Variants in PCDHA3 observed in about 807,000 individuals in gnomAD.
PCDHA3 encodes protocadherin alpha-3.
Under a neutral mutation model 62.2 loss-of-function variants are expected in PCDHA3, and 41 were observed. The observed-to-expected ratio is 0.66, with a 90% CI of 0.51 to 0.86. PCDHA3 has a LOEUF of 0.86. PCDHA3 is among the 40% of genes least tolerant of loss of function. PCDHA3 has a pLI of 0.00. For synonymous variants in PCDHA3, 640 were observed against 555.4 expected (o/e 1.15, Z -2.14); for missense variants, 1,304 against 1,241.2 (o/e 1.05, Z -0.76).
intron 3 of PCDHA3, among the ~76,000 whole-genome samples, chr5:140,989,551 C>T (rs964653534): frequency 2.0e-5 from 3 of 152,178 alleles, no homozygotes; most frequent in African/African-American, 4.8e-5. Flanking sequence ...AATTCCTTTA[C>T]GTTTTGTGGC....
chr5:140,876,138 A>G (rs781923596), intron 1 of PCDHA3: 1 of 1,613,952 alleles, frequency 6.2e-7, no homozygotes. Context: ...AACCAGAACT[A>G]ACAGGGTCTG....
chr5:140,870,908 A>G, intron 1 of PCDHA3: 1 of 1,613,928 alleles, frequency 6.2e-7, no homozygotes, highest in Non-Finnish European at 8.5e-7. Flanking sequence ...GACTCAGGCT[A>G]CAACGCGTGG....
intron 1 of PCDHA3, chr5:140,928,845 T>C: frequency 6.2e-7 from 1 of 1,614,180 alleles, no homozygotes; most frequent in Non-Finnish European, 8.5e-7. Flanking sequence ...CCTCTGTCAC[T>C]CTGGGTGTGC....
intron 1 of PCDHA3, among the ~76,000 whole-genome samples, chr5:140,973,873 G>A (rs546928847): frequency 3.3e-5 from 5 of 152,292 alleles, no homozygotes; most frequent in African/African-American, 1.2e-4. Flanking sequence ...TGAGAGGTCA[G>A]AATAATGTCA....
intron 1 of PCDHA3, among the ~76,000 whole-genome samples, chr5:140,896,590 T>G (rs1338982892): frequency 6.6e-6 from 1 of 152,032 alleles, no homozygotes; most frequent in Non-Finnish European, 1.5e-5. Flanking sequence ...TTGGCCAGGC[T>G]GGTCTCGAAC....
At chr5:140,986,823 A>G (rs2097214089) in intron 3 of PCDHA3, among the ~76,000 whole-genome samples, 1 of 152,166 alleles carries the variant, frequency 6.6e-6, no homozygotes, top group Admixed American at 6.5e-5. Context: ...TTTGGTTTAG[A>G]CAATGGTTCT....
intron 1 of PCDHA3, chr5:140,928,158 A>T: frequency 1.2e-6 from 2 of 1,614,066 alleles, no homozygotes; most frequent in Non-Finnish European, 1.7e-6. Flanking sequence ...ATAGTGGCTC[A>T]CCCCCACTTA....
intron 1 of PCDHA3, among the ~76,000 whole-genome samples, chr5:140,820,965 T>A (rs1417845023): frequency 6.6e-6 from 1 of 152,098 alleles, no homozygotes; most frequent in Non-Finnish European, 1.5e-5. Context: ...TTTGAGTCAA[T>A]ACAAAAAGTA....
At chr5:140,920,638 G>T (rs1245142321) in intron 1 of PCDHA3, among the ~76,000 whole-genome samples, 2 of 152,114 alleles carry the variant, frequency 1.3e-5, no homozygotes, top group African/African-American at 4.8e-5. Flanking sequence ...AAGGTCAAGA[G>T]ATTGAGACCA....
In PCDHA3 at chr5:140,842,440, C is replaced by A. The variant is rs1777947165; in HGVS notation, c.2394+38849C>A. On this transcript the variant is annotated intron_variant, in intron 1 of 3. Coordinates refer to ENST00000522353, the MANE Select transcript of PCDHA3 (RefSeq NM_018906.3). ...TTGGTACTGTCATCGCCCTAATTAG[C>A]GTGAACGACCTCGATTCAGGTGCCA... The A allele has an allele frequency of 1.9e-6, 3 of 1,613,638 alleles. No homozygotes were observed. The South Asian group carries it at 3.3e-5, about 18-fold the overall frequency.
rs2098422568 is a variant in PCDHA3 at position 141,011,988 on chromosome 5, C to A, written c.*2051C>A. ...AAACTGTCTTGTCTACTTTTAGCTTCATTCTCCCATATTTTGAAGGGTGTG... is the reference window on the plus strand; with the variant it reads ...AAACTGTCTTGTCTACTTTTAGCTTAATTCTCCCATATTTTGAAGGGTGTG... On this transcript the variant is annotated 3_prime_UTR_variant, in exon 4 of 4. Coordinates refer to ENST00000522353, the MANE Select transcript of PCDHA3 (RefSeq NM_018906.3). 6.5e-6 allele frequency: 1 copy of A among 153,688 alleles called. No individual in the cohort carries two copies. The highest frequency in any genetic ancestry group is 2.4e-5 in the African/African-American group (1 of 41,434). 9.5% of individuals were successfully genotyped at this position (153,688 alleles called of 1,614,324 possible). A position where few individuals can be genotyped will look rare whatever the true frequency, so the allele number is the denominator to read the frequency against.
chr5:140,917,333 G>GT (rs1401985588), intron 1 of PCDHA3, among the ~76,000 whole-genome samples: 2 of 148,632 alleles, frequency 1.3e-5, no homozygotes, highest in Admixed American at 6.7e-5. Context: ...GCGGGGGAGG[G>GT]GGGGGATGGT....
rs2150224433 is a variant in PCDHA3 at position 140,834,693 on chromosome 5, A to G, written c.2394+31102A>G. 2.5e-6 allele frequency: 4 copies of G among 1,614,238 alleles called. No homozygotes were observed. In the Admixed American group the frequency reaches 6.7e-5, roughly 27 times the overall value. ...GTGCGGGCGGAGCGCGGAGTGCAGC[A>G]TCCACCTGGAGGTGATCGTGGAAAG... On this transcript the variant is annotated intron_variant, in intron 1 of 3. Coordinates refer to ENST00000522353, the MANE Select transcript of PCDHA3 (RefSeq NM_018906.3).
rs373307820 is a variant in PCDHA3 at position 140,857,638 on chromosome 5, A to G, written c.2394+54047A>G. The G allele has an allele frequency of 1.1e-4, 174 of 1,596,206 alleles. 22 individuals are homozygous for G. The highest frequency in any genetic ancestry group is 1.4e-4 in the Non-Finnish European group (161 of 1,167,602). ...TGGACCACGAGGAGCTGGAGCTGCT[A>G]CAGTTCCAGGTGAGCGCGCGCGATG... is the stretch of plus-strand genomic sequence containing the variant. On this transcript the variant is annotated intron_variant, in intron 1 of 3. Transcript: ENST00000522353.
Position 140,802,675 on chromosome 5 carries a change from C to T in PCDHA3, c.1478C>T (p.Ser493Leu), listed in dbSNP as rs373853046. 5.8e-5 allele frequency: 94 copies of T among 1,613,378 alleles called. No individual in the cohort carries two copies. Among genetic ancestry groups the T allele is most frequent in the African/African-American group, 5.1e-4 (38 of 75,058 alleles). The change falls in exon 1 of 4, where the codon TCG becomes TTG. Residue 493 changes from serine (S) to leucine (L), a missense_variant. Ser to Leu is a moderately radical substitution (Grantham distance 145). Transcript: ENST00000522353. Reference sequence around the variant, plus strand: ...CAGGAGAACGCCCTGGTGTCCTACTCGCTGGTGGAACGGCGGGTGGGGGAG... The same window carrying T: ...CAGGAGAACGCCCTGGTGTCCTACTTGCTGGTGGAACGGCGGGTGGGGGAG... ...DAQENALVSYSLVERRVGERA... is the reference protein window; with the variant it reads ...DAQENALVSYLLVERRVGERA...
intron 1 of PCDHA3, chr5:140,824,143 T>C (rs2150132574): frequency 3.1e-6 from 5 of 1,612,198 alleles, no homozygotes; most frequent in Non-Finnish European, 1.7e-6. Context: ...TTTTCTAATA[T>C]TAACATCCAT....
chr5:140,929,428 G>A, intron 1 of PCDHA3: 1 of 1,491,484 alleles, frequency 6.7e-7, no homozygotes. Flanking sequence ...TTCATCAATT[G>A]AACTAAACAC....
At chr5:140,975,200 C>T (rs1469690831) in intron 1 of PCDHA3, among the ~76,000 whole-genome samples, 1 of 152,224 alleles carries the variant, frequency 6.6e-6, no homozygotes, top group Non-Finnish European at 1.5e-5. Context: ...GCTCCATCTT[C>T]ATGGCTGGCA....
intron 3 of PCDHA3, among the ~76,000 whole-genome samples, chr5:141,006,150 G>A (rs1035867146): frequency 1.1e-4 from 16 of 151,274 alleles, no homozygotes; most frequent in Admixed American, 6.6e-5. Flanking sequence ...AAGCAGAGGA[G>A]TGATATAATC....
Sources: gnomAD v4.1 joint callset for allele counts (sites outside exome capture counted in the v4.1 genomes callset) on GRCh38, gnomAD v4.1.1 for gene constraint, MANE v1.5 for transcripts, NCBI Gene and HGNC (gene_info 2026-07-23, HGNC 2026-07-21) for gene names.